ADAMTS7: variants seen among roughly 807,000 people sequenced by gnomAD.
ADAMTS7 encodes the protein ADAM metallopeptidase with thrombospondin type 1 motif 7, also known as A disintegrin and metalloproteinase with thrombospondin motifs 7.
A neutral mutation model predicts 172.6 loss-of-function variants in ADAMTS7; 89 were observed. That is an observed-to-expected ratio of 0.52 (90% CI 0.43 to 0.61). The LOEUF is 0.61. Among genes scored for constraint, ADAMTS7 ranks in the 20% least tolerant of loss-of-function variants. ADAMTS7 has a pLI of 0.00. For synonymous variants in ADAMTS7, 885 were observed against 978.4 expected, an observed-to-expected ratio of 0.90 and a Z score of 1.78; for missense variants, 1,973 against 2,355.6, an observed-to-expected ratio of 0.84 and a Z score of 3.36.
rs1414311842 is a variant in ADAMTS7 at position 78,764,971 on chromosome 15, G to T, written c.4267-264C>A. 1.8e-5 allele frequency: 7 copies of T among 381,150 alleles called. No individual in the cohort carries two copies. In the East Asian group the frequency reaches 2.1e-4, roughly 11 times the overall value. The allele number at this position is 381,150 out of a possible 1,614,324, so 23.6% of individuals were successfully genotyped here. On this transcript the variant is annotated intron_variant, in intron 19 of 23. Transcript: ENST00000388820. ...GTTCCAGTGTCATTGGTGCAGAGGT[G>T]GGGGGAGGGGACCCTGTGGGCACCC...
At chr15:78,809,801 C>T (rs2055841213) in intron 1 of ADAMTS7, among the ~76,000 whole-genome samples, 1 of 152,198 alleles carries the variant, frequency 6.6e-6, no homozygotes, top group South Asian at 2.1e-4. Context: ...AGTCCAACCC[C>T]ACAGGTCGCT....
chr15:78,790,342 G>A (rs2055561454), intron 6 of ADAMTS7, among the ~76,000 whole-genome samples: 1 of 152,192 alleles, frequency 6.6e-6, no homozygotes, highest in Non-Finnish European at 1.5e-5. Context: ...TGAGATCTGA[G>A]TAAGTCTGTG....
At chr15:78,765,516 C>T in intron 19 of ADAMTS7, 129 bp downstream of exon 19, 1 of 1,470,178 alleles carries the variant, frequency 6.8e-7, no homozygotes, top group African/African-American at 1.4e-5. Flanking sequence ...TCCCCCTAAT[C>T]CTGGGAACCC....
Position 78,776,764 on chromosome 15 carries a change from C to A in ADAMTS7, c.1545G>T (p.Arg515=), listed in dbSNP as rs780226813. 6.4e-7 allele frequency: 1 copy of A among 1,551,086 alleles called. No individual in the cohort carries two copies. The highest frequency in any genetic ancestry group is 8.7e-7 in the Non-Finnish European group (1 of 1,146,278). The part of the protein sequence containing the change: ...SKLDAAVDGT[R]CGENKWCLSG... ...CATCCCCTACCTTATTCTCCCCACA[C>A]CGGGTGCCGTCCACAGCTGCATCCA... Residue 515 remains arginine (R), a synonymous_variant, in exon 10 of 24, where the codon CGG becomes CGT. Transcript: ENST00000388820.
chr15:78,811,116 C>G lies in ADAMTS7; in HGVS notation c.100+5G>C, dbSNP rs1314576325. 1 of 1,230,496 alleles carries G rather than the reference C, an allele frequency of 8.1e-7. No homozygotes were observed. The allele number at this position is 1,230,496 out of a possible 1,614,324, so 76.2% of individuals were successfully genotyped here. On this transcript the variant is annotated splice_donor_5th_base_variant and intron_variant, in intron 1 of 23. Coordinates refer to ENST00000388820, the MANE Select transcript of ADAMTS7 (RefSeq NM_014272.5). ...CCGGCTGGCCGGGGAGGGGCGGACA[C>G]CCACCTGGTGCGGGTCCGGGGGCGC...
chr15:78,787,029 T>C (rs2055511036), intron 8 of ADAMTS7, among the ~76,000 whole-genome samples: 1 of 152,234 alleles, frequency 6.6e-6, no homozygotes, highest in Non-Finnish European at 1.5e-5. Context: ...TAACATTTGC[T>C]TTTCTCTAGC....
chr15:78,811,450 GAGAA>G lies in ADAMTS7; in HGVS notation c.-234_-231del, dbSNP rs988538324. ...AGAAAAGACAAGAGAGCTAGAAGGA[GAGAA>G]AGAAAGAAAGAAAGAAAGGGAGGGA... On this transcript the variant is annotated 5_prime_UTR_variant, in exon 1 of 24. Coordinates refer to ENST00000388820, the MANE Select transcript of ADAMTS7 (RefSeq NM_014272.5). 336 of 357,332 alleles carry G rather than the reference GAGAA, an allele frequency of 9.4e-4. No homozygotes were observed. The highest frequency in any genetic ancestry group is 1.1e-3 in the Non-Finnish European group (222 of 203,976). The allele number at this position is 357,332 out of a possible 1,614,324, so 22.1% of individuals were successfully genotyped here. A position where few individuals can be genotyped will look rare whatever the true frequency, so the allele number is the denominator to read the frequency against.
In ADAMTS7 at chr15:78,766,478, A is replaced by C; in HGVS notation, c.3433T>G (p.Ser1145Ala). 2 of 459,834 alleles carry C rather than the reference A, an allele frequency of 4.3e-6. No homozygotes were observed. Among genetic ancestry groups the C allele is most frequent in the Non-Finnish European group, 6.2e-6 (2 of 323,922 alleles). The allele number at this position is 459,834 out of a possible 1,614,324, so 28.5% of individuals were successfully genotyped here. A position where few individuals can be genotyped will look rare whatever the true frequency, so the allele number is the denominator to read the frequency against. ...SQAGRSPPPP[S>A]EQTPGNPLIN... Reference sequence around the variant, plus strand: ...AAAGGGTTCCCAGGGGTCTGCTCTGAGGGTGGGGGTGGGGAGCGGCCGGCC... The same window carrying C: ...AAAGGGTTCCCAGGGGTCTGCTCTGCGGGTGGGGGTGGGGAGCGGCCGGCC... Residue 1145 changes from serine to alanine, a missense_variant, in exon 19 of 24, where the codon TCA becomes GCA. This residue lies in a region of ADAMTS7 where 771 missense variants were observed against 952.6 expected (regional missense o/e 0.81). Coordinates refer to ENST00000388820, the MANE Select transcript of ADAMTS7 (RefSeq NM_014272.5).
intron 8 of ADAMTS7, among the ~76,000 whole-genome samples, chr15:78,785,405 G>A (rs1040446248): frequency 1.3e-5 from 2 of 151,926 alleles, no homozygotes; most frequent in African/African-American, 4.8e-5. Context: ...AACATTAGCT[G>A]GGCAGGGGTG....
chr15:78,765,746 G>A lies in ADAMTS7; in HGVS notation c.4165C>T (p.Pro1389Ser), dbSNP rs145671340. 1,967 of 1,610,692 alleles carry A rather than the reference G, an allele frequency of 1.2e-3. 3 individuals carry two copies. Among genetic ancestry groups the A allele is most frequent in the Admixed American group, 2.9e-3 (176 of 59,880 alleles). Residue 1389 changes from proline to serine, a missense_variant, in exon 19 of 24, where the codon CCT becomes TCT. Pro to Ser is a moderately conservative substitution (Grantham distance 74). This residue lies in a region of ADAMTS7 where 771 missense variants were observed against 952.6 expected (regional missense o/e 0.81). Coordinates refer to ENST00000388820, the MANE Select transcript of ADAMTS7 (RefSeq NM_014272.5). ...CTGGGAGCCAGCGGCTGGGTCTCAG[G>A]GACTCTGTGGCTGTTGGCGGGGCTG... is the stretch of plus-strand genomic sequence containing the variant. ...WDSPANSHRV[P>S]ETQPLAPSLA...
chr15:78,780,766 GC>G (rs2055417809), intron 8 of ADAMTS7, among the ~76,000 whole-genome samples: 1 of 152,212 alleles, frequency 6.6e-6, no homozygotes, highest in Non-Finnish European at 1.5e-5. Context: ...ACTTACAGCA[GC>G]ACCCTTCTTC....
chr15:78,764,248 G>C, intron 20 of ADAMTS7, 149 bp from the exon 21 acceptor site: 2 of 1,229,016 alleles, frequency 1.6e-6, no homozygotes. Context: ...AAGGCTGGCA[G>C]GCCCCAGGCA....
intron 8 of ADAMTS7, among the ~76,000 whole-genome samples, chr15:78,783,298 C>T (rs1216898986): frequency 2.0e-5 from 3 of 152,130 alleles, no homozygotes; most frequent in Non-Finnish European, 4.4e-5. Context: ...GAGACAGAGT[C>T]TCTCTCTGTT....
chr15:78,784,076 T>C lies in ADAMTS7; in HGVS notation c.1322+4155A>G, dbSNP rs371341955. The stretch of plus-strand genomic sequence containing the variant: ...GATAAATCAGATGCCCCCTAGAAAA[T>C]AGAAACAGGTGGCTGGGCACGCTGG... On this transcript the variant is annotated intron_variant, in intron 8 of 23. Coordinates refer to ENST00000388820, the MANE Select transcript of ADAMTS7 (RefSeq NM_014272.5). Among the ~76,000 whole-genome samples, 158 of 151,820 alleles carry C rather than the reference T, an allele frequency of 1.0e-3. 1 individual carries two copies. Among genetic ancestry groups the C allele is most frequent in the African/African-American group, 3.7e-3 (152 of 41,378 alleles).
At chr15:78,810,523 T>G (rs2055851315) in intron 1 of ADAMTS7, 1 of 152,194 alleles carries the variant, frequency 6.6e-6, no homozygotes, top group South Asian at 2.1e-4. Context: ...TGCTCCCCGC[T>G]CCACTCCCGG....
intron 16 of ADAMTS7, chr15:78,770,663 C>A (rs1368212036): frequency 7.5e-6 from 1 of 133,494 alleles, no homozygotes; most frequent in Admixed American, 7.4e-5. Context: ...ATGGGGGAGA[C>A]TGAGAGGCAT....
chr15:78,779,036 G>C (rs1355833733), intron 8 of ADAMTS7, among the ~76,000 whole-genome samples: 2 of 152,114 alleles, frequency 1.3e-5, no homozygotes, highest in Non-Finnish European at 2.9e-5. Flanking sequence ...GAGTGGAGTG[G>C]GTGTTTGCGT....
chr15:78,763,968 C>G lies in ADAMTS7; in HGVS notation c.4551G>C (p.Gly1517=). 6.5e-7 allele frequency: 1 copy of G among 1,545,688 alleles called. No individual in the cohort carries two copies. Among genetic ancestry groups the G allele is most frequent in the Non-Finnish European group, 8.7e-7 (1 of 1,145,118 alleles). ...PAKPPAHRPC[G]AQPCLSWYTS... The stretch of plus-strand genomic sequence containing the variant: ...TGTACCAGCTGAGGCAGGGCTGGGC[C>G]CCGCAGGGCCGGTGCGCAGGCGGCT... The change falls in exon 21 of 24, where the codon GGG becomes GGC. Residue 1517 remains glycine (G), a synonymous_variant. Coordinates refer to ENST00000388820, the MANE Select transcript of ADAMTS7 (RefSeq NM_014272.5).
rs1219118623 is a variant in ADAMTS7 at position 78,766,435 on chromosome 15, T to C, written c.3476A>G (p.Glu1159Gly). The C allele has an allele frequency of 4.5e-6, 7 of 1,562,680 alleles. No homozygotes were observed. Among genetic ancestry groups the C allele is most frequent in the Non-Finnish European group, 6.0e-6 (7 of 1,159,858 alleles). The change falls in exon 19 of 24, where the codon GAG becomes GGG. Residue 1159 changes from glutamate to glycine, a missense_variant. Physicochemically the swap from Glu to Gly is moderately conservative, Grantham distance 98 (BLOSUM62 -2). Coordinates refer to ENST00000388820, the MANE Select transcript of ADAMTS7 (RefSeq NM_014272.5). ...TGGGGCCCCTATGGGGGTGTCTTCC[T>C]CAGGCAGGAAATTGATCAAAGGGTT... The part of the protein sequence containing the change: ...PGNPLINFLP[E>G]EDTPIGAPDL...
Sources: gnomAD v4.1 joint callset for allele counts (sites outside exome capture counted in the v4.1 genomes callset) on GRCh38, gnomAD v4.1.1 for gene constraint, gnomAD v4.1.1 regional missense constraint, MANE v1.5 for transcripts, NCBI Gene and HGNC (gene_info 2026-07-23, HGNC 2026-07-21) for gene names.